The following FSTL4 variants were observed in gnomAD, a reference collection of about 807,000 sequenced individuals.
FSTL4 encodes the protein follistatin-related protein 4.
Under a neutral mutation model 78.2 loss-of-function variants are expected in FSTL4, and 28 were observed. That is an observed-to-expected ratio of 0.36 (90% confidence interval 0.27 to 0.49). The LOEUF (loss-of-function observed/expected upper bound fraction) is 0.49. FSTL4 is among the 20% of genes least tolerant of loss of function. The probability of loss-of-function intolerance (pLI) is 0.98; values close to 1 mark genes in which losing one functional copy is unlikely to be tolerated. For missense variants in FSTL4, 922 were observed against 1,084.9 expected (o/e 0.85, Z 2.11); for synonymous variants, 422 against 440.5 (o/e 0.96, Z 0.53).
At chr5:133,665,364 A>T in the FSTL4 span, among the ~76,000 whole-genome samples, 1 of 152,226 alleles carries the variant, frequency 6.6e-6, no homozygotes, top group East Asian at 1.9e-4. Context: ...AGAAAGAACA[A>T]GAAGGAGGAT....
intron 6 of FSTL4, among the ~76,000 whole-genome samples, chr5:133,304,475 A>T (rs1753614340): frequency 6.6e-6 from 1 of 152,190 alleles, no homozygotes; most frequent in Non-Finnish European, 1.5e-5. Flanking sequence ...GGAGGGTTTA[A>T]AAAAATCACC....
rs529038372 is a variant in FSTL4, at chr5:133,410,298, C to A, written c.161-9312G>T. Among the ~76,000 whole-genome samples, 20 of 152,316 alleles carry A rather than the reference C, an allele frequency of 1.3e-4. No individual in the cohort carries two copies. The South Asian group carries it at 4.1e-3, about 32-fold the overall frequency. ...CTCGCATCTGTCTTATTCCCTGTCA[C>A]CGGCCCTCATTTTTCCTTCAGGTAC... On this transcript the variant is annotated intron_variant, in intron 3 of 15. Coordinates refer to ENST00000265342, the MANE Select transcript of FSTL4 (RefSeq NM_015082.2).
chr5:133,668,128 G>A, the FSTL4 span, among the ~76,000 whole-genome samples: 6 of 152,170 alleles, frequency 3.9e-5, no homozygotes, highest in East Asian at 1.9e-4. Context: ...GAATGTTCTC[G>A]TGTGCTGCAC....
the FSTL4 span, among the ~76,000 whole-genome samples, chr5:133,697,941 G>C: frequency 1.7e-4 from 26 of 152,118 alleles, no homozygotes; most frequent in African/African-American, 4.8e-4. Context: ...CCATAGATGA[G>C]GGCTTATCTC....
the FSTL4 span, among the ~76,000 whole-genome samples, chr5:133,719,158 C>T: frequency 1.3e-5 from 2 of 152,016 alleles, no homozygotes; most frequent in Non-Finnish European, 2.9e-5. Context: ...CTTACAAATC[C>T]AATCTGACAC....
At chr5:133,442,982 T>G (rs1757191191) in intron 3 of FSTL4, among the ~76,000 whole-genome samples, 2 of 152,264 alleles carry the variant, frequency 1.3e-5, no homozygotes, top group Admixed American at 1.3e-4. Context: ...AATCTGGTGA[T>G]TTTTAAAGAA....
At chr5:133,715,397 G>A in the FSTL4 span, among the ~76,000 whole-genome samples, 1 of 152,164 alleles carries the variant, frequency 6.6e-6, no homozygotes, top group African/African-American at 2.4e-5. Flanking sequence ...GTGAGTTATG[G>A]CATGGTACCC....
At chr5:133,664,465 A>T in the FSTL4 span, among the ~76,000 whole-genome samples, 1 of 152,154 alleles carries the variant, frequency 6.6e-6, no homozygotes, top group Non-Finnish European at 1.5e-5. Context: ...TCCCCAAGGG[A>T]GGCTGGCACG....
intron 3 of FSTL4, among the ~76,000 whole-genome samples, chr5:133,423,608 C>T (rs1012504708): frequency 6.6e-6 from 1 of 151,972 alleles, no homozygotes; most frequent in African/African-American, 2.4e-5. Context: ...GGGATGATGG[C>T]GGTGAGGCGG....
At chr5:133,626,868 G>A in the FSTL4 span, among the ~76,000 whole-genome samples, 6 of 152,186 alleles carry the variant, frequency 3.9e-5, no homozygotes, top group African/African-American at 1.4e-4. Flanking sequence ...CTGTTGTTGG[G>A]TGGAGTATTC....
At chr5:133,809,012 G>A in the FSTL4 span, among the ~76,000 whole-genome samples, 1 of 152,088 alleles carries the variant, frequency 6.6e-6, no homozygotes, top group Non-Finnish European at 1.5e-5. Context: ...TGGACAGGTT[G>A]TGTGAACTTG....
chr5:133,669,837 G>T, the FSTL4 span, among the ~76,000 whole-genome samples: 2 of 152,092 alleles, frequency 1.3e-5, no homozygotes, highest in Non-Finnish European at 2.9e-5. Context: ...TAACCTCCCC[G>T]CACTGCAACC....
At chr5:133,574,975 T>C (rs554718570) in intron 2 of FSTL4, 1 of 152,344 alleles carries the variant, frequency 6.6e-6, no homozygotes, top group Non-Finnish European at 1.5e-5. Flanking sequence ...TATTATCATC[T>C]TGGTGGTGGT....
chr5:133,212,722 T>C (rs1750773675), intron 13 of FSTL4, among the ~76,000 whole-genome samples: 1 of 151,930 alleles, frequency 6.6e-6, no homozygotes, highest in Non-Finnish European at 1.5e-5. Context: ...GTGGCTGACA[T>C]TTTTTTTCAA....
chr5:133,566,258 T>C (rs2112943094), intron 3 of FSTL4, among the ~76,000 whole-genome samples: 1 of 152,332 alleles, frequency 6.6e-6, no homozygotes, highest in East Asian at 1.9e-4. Flanking sequence ...TGAATATCCA[T>C]GTATCAAAGC....
chr5:133,224,218 TGCA>T lies in FSTL4; in HGVS notation c.1313-5_1313-3del. On this transcript the variant is annotated splice_region_variant and splice_polypyrimidine_tract_variant and intron_variant, in intron 10 of 15. Coordinates refer to ENST00000265342, the MANE Select transcript of FSTL4 (RefSeq NM_015082.2). ...CCTCTCGCCACAGGATGTTTGCAAC[TGCA>T]GCAGCAGAGAATGAGGAAAGCAGGA... 1 of 1,612,102 alleles carries T rather than the reference TGCA, an allele frequency of 6.2e-7. No individual in the cohort carries two copies. The highest frequency in any genetic ancestry group is 8.5e-7 in the Non-Finnish European group (1 of 1,178,324).
chr5:133,203,870 A>G (rs1177631129), intron 14 of FSTL4, among the ~76,000 whole-genome samples: 1 of 152,212 alleles, frequency 6.6e-6, no homozygotes, highest in Non-Finnish European at 1.5e-5. Flanking sequence ...GCCATGGGCC[A>G]TTGAACTGAT....
chr5:133,311,103 C>T (rs115059065), intron 6 of FSTL4, among the ~76,000 whole-genome samples: 76 of 152,230 alleles, frequency 5.0e-4, no homozygotes, highest in Non-Finnish European at 1.0e-3. Flanking sequence ...CTCAACGTGG[C>T]CAATTTAAAG....
chr5:133,202,893 A>G (rs145317517), intron 14 of FSTL4, among the ~76,000 whole-genome samples: 5 of 152,298 alleles, frequency 3.3e-5, no homozygotes, highest in African/African-American at 9.6e-5. Context: ...AGCTGCACTC[A>G]TGTCAGGGAA....
Sources: gnomAD v4.1 joint callset for allele counts (sites outside exome capture counted in the v4.1 genomes callset) on GRCh38, gnomAD v4.1.1 for gene constraint, MANE v1.5 for transcripts, NCBI Gene and HGNC (gene_info 2026-07-23, HGNC 2026-07-21) for gene names.